NEXMIF: variants seen among roughly 807,000 people sequenced by gnomAD.
NEXMIF encodes neurite extension and migration factor.
A neutral mutation model predicts 62.1 loss-of-function variants in NEXMIF; 8 were observed. The ratio of observed to expected loss-of-function variants is 0.13; its 90% CI spans 0.08 to 0.23. The LOEUF is 0.23. NEXMIF is among the 10% of genes least tolerant of loss of function. NEXMIF has a pLI of 1.00. For synonymous variants in NEXMIF, 404 were observed against 416.6 expected (o/e 0.97, Z 0.37); for missense variants, 976 against 1,113.3 (o/e 0.88, Z 1.75).
chrX:74,894,943 G>A (rs181739731), intron 1 of NEXMIF, among the ~76,000 whole-genome samples: 71 of 112,160 alleles, frequency 6.3e-4, no homozygotes, highest in Non-Finnish European at 1.2e-3. Flanking sequence ...TGTCATCACT[G>A]TTATTCAACA....
At chrX:74,794,680 G>C (rs917873659) in intron 1 of NEXMIF, among the ~76,000 whole-genome samples, 7 of 111,983 alleles carry the variant, frequency 6.3e-5, no homozygotes, top group African/African-American at 2.3e-4. Context: ...ATCTCGTGGT[G>C]CGCCTTTTTT....
At chrX:74,862,687 T>C (rs1272180868) in intron 1 of NEXMIF, among the ~76,000 whole-genome samples, 1 of 111,478 alleles carries the variant, frequency 9.0e-6, no homozygotes, top group Non-Finnish European at 1.9e-5. Context: ...AGAAACTCAC[T>C]CAAAGTCACA....
At chrX:74,845,416 CTTTG>C (rs1385197400) in intron 1 of NEXMIF, among the ~76,000 whole-genome samples, 1 of 111,791 alleles carries the variant, frequency 8.9e-6, no homozygotes, top group Non-Finnish European at 1.9e-5. Flanking sequence ...TATTCTATGT[CTTTG>C]TTTGGGGTGG....
At position 74,911,738 on chromosome X, in the gene NEXMIF, C is replaced by T. The variant is rs772000227; in HGVS notation, c.-48+13145G>A. Among the ~76,000 whole-genome samples, 3 of 112,629 alleles carry T rather than the reference C, an allele frequency of 2.7e-5. No homozygotes were observed. In the Admixed American group the frequency reaches 2.8e-4, roughly 11 times the overall value. ...ATCCCACTATAGCCCTGGCTCAATT[C>T]CCTTTTCTTTCACCTATTCAGCCAA... is the stretch of plus-strand genomic sequence containing the variant. On this transcript the variant is annotated intron_variant, in intron 1 of 3. Transcript: ENST00000055682.
intron 1 of NEXMIF, among the ~76,000 whole-genome samples, chrX:74,882,126 AT>A (rs2080667059): frequency 9.0e-6 from 1 of 111,426 alleles, no homozygotes; most frequent in Non-Finnish European, 1.9e-5. Flanking sequence ...CAACCCAAAT[AT>A]CCATCAATGA....
At chrX:74,773,518 A>G (rs144543527) in intron 1 of NEXMIF, among the ~76,000 whole-genome samples, 233 of 110,931 alleles carry the variant, frequency 2.1e-3, no homozygotes, top group African/African-American at 7.3e-3. Context: ...ATCAAGGTGG[A>G]CTGACTCGCC....
At chrX:74,919,264 C>A (rs2080818009) in intron 1 of NEXMIF, among the ~76,000 whole-genome samples, 1 of 111,696 alleles carries the variant, frequency 9.0e-6, no homozygotes, top group South Asian at 3.8e-4. Context: ...AGCCAATAAT[C>A]CAATTCTGTT....
intron 1 of NEXMIF, among the ~76,000 whole-genome samples, chrX:74,869,147 G>A (rs1405820645): frequency 9.0e-6 from 1 of 111,579 alleles, no homozygotes; most frequent in Non-Finnish European, 1.9e-5. Flanking sequence ...ATTTATCCCA[G>A]GAATGAAAGG....
chrX:74,871,555 C>T (rs2080600966), intron 1 of NEXMIF, among the ~76,000 whole-genome samples: 1 of 110,848 alleles, frequency 9.0e-6, no homozygotes, highest in East Asian at 2.9e-4. Flanking sequence ...GAGACCAGGG[C>T]GTATTTCAGT....
In NEXMIF at chrX:74,742,316, G is replaced by T. The variant is rs762464608; in HGVS notation, c.2241C>A (p.Ser747Arg). 1.3e-5 allele frequency: 16 copies of T among 1,211,083 alleles called. No homozygotes were observed. Among genetic ancestry groups the T allele is most frequent in the Admixed American group, 4.3e-5 (2 of 45,996 alleles). Residue 747 changes from serine to arginine, a missense_variant, in exon 3 of 4, where the codon AGC becomes AGA. Coordinates refer to ENST00000055682, the MANE Select transcript of NEXMIF (RefSeq NM_001008537.3). ...TTGAGGATTGGTTTTCCAAGAGAGG[G>T]CTCATTTGAACAATTGGCTTGCTTT... ...GQESKPIVQM[S>R]PLLENQSSKA...
chrX:74,744,930 C>CCTCTCT (rs749595584), intron 2 of NEXMIF, among the ~76,000 whole-genome samples: 7,365 of 86,204 alleles, frequency 0.085, 395 homozygotes, highest in African/African-American at 0.17. Context: ...TTCTCTCTCT[C>CCTCTCT]CTCTCTCTCT....
At chrX:74,882,781 C>G in intron 1 of NEXMIF, among the ~76,000 whole-genome samples, 1 of 112,349 alleles carries the variant, frequency 8.9e-6, no homozygotes. Context: ...CCCTGTCTGA[C>G]AGCTTTGAAG....
intron 1 of NEXMIF, among the ~76,000 whole-genome samples, chrX:74,824,072 T>C (rs779173653): frequency 1.8e-5 from 2 of 111,397 alleles, no homozygotes; most frequent in African/African-American, 3.3e-5. Context: ...AGGGCAAGTT[T>C]CTATATTCAG....
chrX:74,859,122 G>T (rs780999501), intron 1 of NEXMIF, among the ~76,000 whole-genome samples: 61 of 111,177 alleles, frequency 5.5e-4, no homozygotes, highest in Non-Finnish European at 9.1e-4. Context: ...ACAGAGAACT[G>T]CCCCAAACAG....
At chrX:74,875,552 T>C (rs186063422) in intron 1 of NEXMIF, among the ~76,000 whole-genome samples, 6 of 112,122 alleles carry the variant, frequency 5.4e-5, no homozygotes, top group Admixed American at 1.9e-4. Flanking sequence ...TTGATTGGAA[T>C]AGTTTCAGAA....
chrX:74,865,428 T>A (rs1226147202), intron 1 of NEXMIF, among the ~76,000 whole-genome samples: 1 of 112,106 alleles, frequency 8.9e-6, no homozygotes, highest in African/African-American at 3.2e-5. Flanking sequence ...AAATTTCTAA[T>A]CTGCAAAGCA....
chrX:74,858,793 TATCAG>T lies in NEXMIF; in HGVS notation c.-48+66085_-48+66089del, dbSNP rs2080544726. On this transcript the variant is annotated intron_variant, in intron 1 of 3. Coordinates refer to ENST00000055682, the MANE Select transcript of NEXMIF (RefSeq NM_001008537.3). ...AACACAAAGAAGAAATTCAGCACTCTATCAGATAAGATTAACAAAGAGATTGAAAT... is the reference window on the plus strand; with the variant it reads ...AACACAAAGAAGAAATTCAGCACTCTATAAGATTAACAAAGAGATTGAAAT... Among the ~76,000 whole-genome samples the T allele has an allele frequency of 2.7e-5, 3 of 110,107 alleles. No individual in the cohort carries two copies. The Admixed American group carries it at 2.9e-4, about 11-fold the overall frequency.
intron 1 of NEXMIF, among the ~76,000 whole-genome samples, chrX:74,886,978 C>G (rs1421728733): frequency 6.3e-5 from 7 of 111,008 alleles, no homozygotes; most frequent in Non-Finnish European, 1.1e-4. Flanking sequence ...CAGAACAGAG[C>G]CCTCAGAAAT....
intron 1 of NEXMIF, among the ~76,000 whole-genome samples, chrX:74,882,555 C>A (rs1271612799): frequency 1.8e-5 from 2 of 111,737 alleles, no homozygotes. Flanking sequence ...ATTGCTAGCA[C>A]AGCAGTCTGA....
Sources: allele counts gnomAD v4.1 joint callset (sites outside exome capture counted in the v4.1 genomes callset), GRCh38; gene constraint gnomAD v4.1.1; transcripts MANE v1.5; gene names NCBI Gene and HGNC (gene_info 2026-07-23, HGNC 2026-07-21).